STPG2: variants seen among roughly 807,000 people sequenced by gnomAD.
The protein encoded by STPG2 is sperm tail PG-rich repeat containing 2.
A neutral mutation model predicts 54.2 loss-of-function variants in STPG2; 56 were observed. The observed-to-expected ratio is 1.03, with a 90% CI of 0.83 to 1.29. STPG2 has a LOEUF of 1.29. STPG2 is among the 50% of genes most tolerant of loss of function. The pLI, the probability that STPG2 is intolerant of heterozygous loss-of-function variation, is 0.00. For synonymous variants in STPG2, 200 were observed against 181.8 expected (o/e 1.10, Z -0.81); for missense variants, 596 against 544.9 (o/e 1.09, Z -0.93).
intron 8 of STPG2, among the ~76,000 whole-genome samples, chr4:97,932,718 A>T (rs1732597143): frequency 6.6e-6 from 1 of 152,232 alleles, no homozygotes; most frequent in Admixed American, 6.5e-5. Flanking sequence ...ATGACTGCAT[A>T]GTATTCCATA....
intron 5 of STPG2, among the ~76,000 whole-genome samples, chr4:98,031,877 A>G (rs1736611424): frequency 6.6e-6 from 1 of 152,136 alleles, no homozygotes; most frequent in African/African-American, 2.4e-5. Context: ...TAAGCAAAAA[A>G]CAAACAATCC....
chr4:98,137,398 T>G (rs1279257069), intron 1 of STPG2, among the ~76,000 whole-genome samples: 1 of 151,704 alleles, frequency 6.6e-6, no homozygotes, highest in Non-Finnish European at 1.5e-5. Flanking sequence ...AAAAAGAAAA[T>G]TTTGGCAATG....
chr4:97,487,891 AAAGT>A (rs1730406944), intron 4 of STPG2, among the ~76,000 whole-genome samples: 1 of 151,588 alleles, frequency 6.6e-6, no homozygotes, highest in Admixed American at 6.6e-5. Context: ...AAGGTCATAA[AAAGT>A]AATTTGCAAT....
At chr4:97,722,866 C>T (rs1260117894) in intron 9 of STPG2, among the ~76,000 whole-genome samples, 3 of 147,884 alleles carry the variant, frequency 2.0e-5, no homozygotes, top group African/African-American at 7.5e-5. Flanking sequence ...GGTGCGATCT[C>T]GGCTCACTGA....
At chr4:98,115,466 CT>C (rs886936643) in intron 3 of STPG2, among the ~76,000 whole-genome samples, 1 of 151,910 alleles carries the variant, frequency 6.6e-6, no homozygotes, top group African/African-American at 2.4e-5. Context: ...TAGAATTTCT[CT>C]TCACAAATTA....
intron 2 of STPG2, among the ~76,000 whole-genome samples, chr4:98,130,326 C>T (rs543947662): frequency 2.0e-5 from 3 of 151,990 alleles, no homozygotes; most frequent in Non-Finnish European, 4.4e-5. Flanking sequence ...CAGGCATGTG[C>T]CACCATGCCT....
chr4:98,083,155 C>T (rs752281311), intron 5 of STPG2, among the ~76,000 whole-genome samples: 28 of 152,092 alleles, frequency 1.8e-4, no homozygotes, highest in Non-Finnish European at 3.4e-4. Context: ...ACCCCACTTC[C>T]ACTAGCCTTC....
At chr4:98,072,033 T>C (rs1738020064) in intron 5 of STPG2, among the ~76,000 whole-genome samples, 1 of 152,164 alleles carries the variant, frequency 6.6e-6, no homozygotes, top group African/African-American at 2.4e-5. Context: ...AGAAATACCA[T>C]TTGACCCAGC....
chr4:98,080,240 ATT>A (rs1738301507), intron 5 of STPG2, among the ~76,000 whole-genome samples: 3 of 152,168 alleles, frequency 2.0e-5, no homozygotes, highest in African/African-American at 4.8e-5. Flanking sequence ...TATAAACTAT[ATT>A]GTTATAAATT....
At chr4:97,959,187 C>A (rs1733794784) in intron 7 of STPG2, among the ~76,000 whole-genome samples, 1 of 152,000 alleles carries the variant, frequency 6.6e-6, no homozygotes, top group Non-Finnish European at 1.5e-5. Flanking sequence ...AATAGTAACA[C>A]AATCTAACAA....
intron 6 of STPG2, among the ~76,000 whole-genome samples, chr4:97,972,967 T>G (rs1734384868): frequency 6.6e-6 from 1 of 152,208 alleles, no homozygotes; most frequent in African/African-American, 2.4e-5. Context: ...ATGTCTTTTT[T>G]AGCAGAATGA....
At chr4:97,776,455 A>AT (rs1193230106) in intron 9 of STPG2, among the ~76,000 whole-genome samples, 1 of 152,140 alleles carries the variant, frequency 6.6e-6, no homozygotes, top group Non-Finnish European at 1.5e-5. Context: ...CCTTTAACTT[A>AT]TTTTCCACTC....
At chr4:97,992,368 C>CT (rs1213637162) in intron 5 of STPG2, among the ~76,000 whole-genome samples, 1 of 151,986 alleles carries the variant, frequency 6.6e-6, no homozygotes, top group Non-Finnish European at 1.5e-5. Context: ...CCTTTCGCCA[C>CT]TTTATGTTTT....
At chr4:97,684,897 T>G (rs1723142233) in intron 10 of STPG2, among the ~76,000 whole-genome samples, 1 of 151,852 alleles carries the variant, frequency 6.6e-6, no homozygotes, top group Non-Finnish European at 1.5e-5. Context: ...TTAAAAATTA[T>G]AAAATAGGAA....
chr4:98,075,140 T>G (rs897345696), intron 5 of STPG2, among the ~76,000 whole-genome samples: 1 of 152,178 alleles, frequency 6.6e-6, no homozygotes, highest in Non-Finnish European at 1.5e-5. Flanking sequence ...CCAGCGTCCC[T>G]CTTTCTGGGT....
At chr4:98,012,325 C>T (rs1578778901) in intron 5 of STPG2, among the ~76,000 whole-genome samples, 1 of 152,092 alleles carries the variant, frequency 6.6e-6, no homozygotes, top group Non-Finnish European at 1.5e-5. Context: ...GTTTTGGTAC[C>T]AGTACCATGG....
rs531275896 is a variant in STPG2, at chr4:97,587,529, TA to T, written c.1321-28413del. On this transcript the variant is annotated intron_variant, in intron 10 of 10. Coordinates refer to ENST00000295268, the MANE Select transcript of STPG2 (RefSeq NM_174952.3). ...TCAAGTTTGATAATATAGGTAACAT[TA>T]ACAGTTGAGGTGGGTCACAGGACTT... 3.6e-3 allele frequency among the ~76,000 whole-genome samples: 540 copies of T among 152,054 alleles called. 2 individuals carry two copies. Among genetic ancestry groups the T allele is most frequent in the Admixed American group, 7.8e-3 (119 of 15,232 alleles).
In STPG2 at chr4:97,770,298, G is replaced by C. The variant is rs140298581; in HGVS notation, c.1205-57484C>G. Among the ~76,000 whole-genome samples the C allele has an allele frequency of 1.4e-4, 22 of 152,260 alleles. No individual in the cohort carries two copies. In the East Asian group the frequency reaches 4.2e-3, roughly 29 times the overall value. On this transcript the variant is annotated intron_variant, in intron 9 of 10. Transcript: ENST00000295268. ...GGGGACTGTGAGTTCTAAATGTGCA[G>C]TTATCAGGAAAGGCTTCACTGTAAG... is the stretch of plus-strand genomic sequence containing the variant.
chr4:97,562,793 C>G (rs1390373343), intron 10 of STPG2, among the ~76,000 whole-genome samples: 2 of 151,978 alleles, frequency 1.3e-5, no homozygotes, highest in Non-Finnish European at 2.9e-5. Context: ...GGATGAAGCC[C>G]ACTTGATCAC....
Sources: allele counts gnomAD v4.1 joint callset (sites outside exome capture counted in the v4.1 genomes callset), GRCh38; gene constraint gnomAD v4.1.1; transcripts MANE v1.5; gene names NCBI Gene and HGNC (gene_info 2026-07-23, HGNC 2026-07-21).